The following RGS7 variants were observed in gnomAD, a reference collection of about 807,000 sequenced individuals.
RGS7 encodes regulator of G protein signaling 7.
A neutral mutation model predicts 81.1 loss-of-function variants in RGS7; 27 were observed. The ratio of observed to expected loss-of-function variants is 0.33; its 90% CI spans 0.25 to 0.46. The LOEUF is 0.46. Ranked by LOEUF, RGS7 falls within the 20% of genes least tolerant of loss-of-function variation. The pLI is 1.00. For synonymous variants in RGS7, 208 were observed against 207.7 expected (o/e 1.00, Z -0.01); for missense variants, 396 against 607.4 (o/e 0.65, Z 3.66).
chr1:240,861,300 A>C (rs569998680), intron 9 of RGS7, among the ~76,000 whole-genome samples: 1 of 152,302 alleles, frequency 6.6e-6, no homozygotes, highest in South Asian at 2.1e-4. Context: ...TCTCTGCTTA[A>C]GCATTTTTAT....
chr1:240,803,378 G>C (rs1196964665), intron 15 of RGS7, among the ~76,000 whole-genome samples: 1 of 152,132 alleles, frequency 6.6e-6, no homozygotes, highest in Admixed American at 6.6e-5. Context: ...CTCAGACTGA[G>C]TAATCATCCT....
At chr1:241,159,695 A>G (rs905680168) in intron 2 of RGS7, among the ~76,000 whole-genome samples, 1 of 152,152 alleles carries the variant, frequency 6.6e-6, no homozygotes, top group Non-Finnish European at 1.5e-5. Context: ...GTCAAACTGG[A>G]AGTAGGACAG....
intron 3 of RGS7, among the ~76,000 whole-genome samples, chr1:241,095,515 C>T (rs2064183967): frequency 6.6e-6 from 1 of 152,034 alleles, no homozygotes; most frequent in African/African-American, 2.4e-5. Flanking sequence ...ATCAACCAGG[C>T]ATGGTGGCAG....
intron 13 of RGS7, among the ~76,000 whole-genome samples, chr1:240,812,492 T>C (rs7553834): frequency 0.75 from 112,483 of 149,334 alleles, 42,701 homozygotes; most frequent in African/African-American, 0.79. Context: ...TGGAGTGCAA[T>C]GGCGTGATCT....
At chr1:241,166,508 G>C (rs2070260324) in intron 2 of RGS7, among the ~76,000 whole-genome samples, 1 of 152,222 alleles carries the variant, frequency 6.6e-6, no homozygotes, top group Non-Finnish European at 1.5e-5. Flanking sequence ...GAGTCACTCT[G>C]TAGCTGACCA....
In RGS7 at chr1:241,069,354, C is replaced by T. The variant is rs111264778; in HGVS notation, c.175+29312G>A. Among the ~76,000 whole-genome samples, 60 of 152,280 alleles carry T rather than the reference C, an allele frequency of 3.9e-4. 1 individual carries two copies. In the Middle Eastern group the frequency reaches 0.01, roughly 26 times the overall value. On this transcript the variant is annotated intron_variant, in intron 3 of 18. Transcript: ENST00000440928. ...ACATCCCGAATTTAAAAGCATTTTA[C>T]CACCTAGTGGTGGGTACCTTGAGAA...
intron 3 of RGS7, among the ~76,000 whole-genome samples, chr1:241,032,516 T>C (rs2060129244): frequency 6.6e-6 from 1 of 152,196 alleles, no homozygotes; most frequent in African/African-American, 2.4e-5. Flanking sequence ...CTGTGGAAAA[T>C]AATGTTGGGA....
chr1:240,871,805 A>G (rs1308103930), intron 6 of RGS7, among the ~76,000 whole-genome samples: 4 of 152,318 alleles, frequency 2.6e-5, no homozygotes, highest in East Asian at 3.9e-4. Context: ...ATTTTCTTAA[A>G]TATCTAATTG....
chr1:241,016,778 C>A (rs1048844414), intron 3 of RGS7, among the ~76,000 whole-genome samples: 1 of 152,080 alleles, frequency 6.6e-6, no homozygotes, highest in African/African-American at 2.4e-5. Context: ...TTAGTGCAAT[C>A]TGCCAATCTC....
chr1:240,946,704 AG>A (rs1678667614), intron 4 of RGS7, among the ~76,000 whole-genome samples: 2 of 152,252 alleles, frequency 1.3e-5, no homozygotes, highest in African/African-American at 4.8e-5. Flanking sequence ...CTTTATTTCC[AG>A]AATTCAAATA....
intron 10 of RGS7, among the ~76,000 whole-genome samples, chr1:240,821,053 G>C (rs1691691414): frequency 6.6e-6 from 1 of 152,162 alleles, no homozygotes; most frequent in African/African-American, 2.4e-5. Context: ...GAAAGAAGCA[G>C]AGAGAAGGCA....
chr1:241,122,882 G>A (rs558881849), intron 2 of RGS7, among the ~76,000 whole-genome samples: 10 of 152,044 alleles, frequency 6.6e-5, no homozygotes, highest in Non-Finnish European at 8.8e-5. Flanking sequence ...GTCAAAATAC[G>A]GTTTCTACTG....
intron 2 of RGS7, among the ~76,000 whole-genome samples, chr1:241,304,123 A>T (rs2079937951): frequency 6.6e-6 from 1 of 151,924 alleles, no homozygotes; most frequent in Admixed American, 6.6e-5. Flanking sequence ...GAGAGATGAG[A>T]TTTTGCTACG....
intron 3 of RGS7, among the ~76,000 whole-genome samples, chr1:241,083,874 G>A (rs2063289457): frequency 6.6e-6 from 1 of 151,810 alleles, no homozygotes; most frequent in African/African-American, 2.4e-5. Flanking sequence ...TCATTCCTAT[G>A]ATGAATGAAA....
chr1:241,080,164 T>A (rs2063052264), intron 3 of RGS7, among the ~76,000 whole-genome samples: 1 of 151,796 alleles, frequency 6.6e-6, no homozygotes, highest in South Asian at 2.1e-4. Flanking sequence ...AGGACAAAAA[T>A]TAATATCAAT....
chr1:240,932,115 A>AT (rs1251813708), intron 5 of RGS7, among the ~76,000 whole-genome samples: 1 of 152,314 alleles, frequency 6.6e-6, no homozygotes, highest in East Asian at 1.9e-4. Context: ...AGAAGGGAAA[A>AT]TGGGTAGATA....
intron 4 of RGS7, among the ~76,000 whole-genome samples, chr1:240,956,326 A>G (rs1280361900): frequency 1.3e-5 from 2 of 152,072 alleles, no homozygotes; most frequent in African/African-American, 2.4e-5. Context: ...AAAAAAATTG[A>G]ATTAAGTAAT....
At chr1:240,976,270 T>C (rs763600777) in intron 4 of RGS7, among the ~76,000 whole-genome samples, 3 of 151,850 alleles carry the variant, frequency 2.0e-5, no homozygotes, top group Non-Finnish European at 4.4e-5. Context: ...AAGCAAAGAG[T>C]GTCAATAGCT....
intron 10 of RGS7, among the ~76,000 whole-genome samples, chr1:240,818,027 C>G (rs1304686075): frequency 6.6e-6 from 1 of 152,166 alleles, no homozygotes; most frequent in Non-Finnish European, 1.5e-5. Context: ...GCCCTACCAC[C>G]AGAACCTTGG....
Sources: allele counts gnomAD v4.1 joint callset (sites outside exome capture counted in the v4.1 genomes callset), GRCh38; gene constraint gnomAD v4.1.1; transcripts MANE v1.5; gene names NCBI Gene and HGNC (gene_info 2026-07-23, HGNC 2026-07-21).